The following EYS variants were observed in gnomAD, a reference collection of about 807,000 sequenced individuals.
EYS encodes the protein EGF-like photoreceptor maintenance factor.
In EYS, 250 loss-of-function variants were observed where a neutral mutation model predicts 282.1. The observed-to-expected ratio is 0.89, with a 90% CI of 0.80 to 0.98. The LOEUF (loss-of-function observed/expected upper bound fraction) is 0.98, where lower values mean the gene tolerates loss of function less well. Among genes scored for constraint, EYS ranks in the 50% least tolerant of loss-of-function variants. EYS has a pLI of 0.00. For missense variants in EYS, 4,016 were observed against 3,709.0 expected, an observed-to-expected ratio of 1.08 and a Z score of -2.15; for synonymous variants, 1,355 against 1,282.9, an observed-to-expected ratio of 1.06 and a Z score of -1.20.
Position 63,726,649 on chromosome 6 carries a change from G to A in EYS, c.8103C>T (p.Ser2701=). Residue 2701 remains serine (S), a synonymous_variant, in exon 42 of 43, where the codon AGC becomes AGT. Coordinates refer to ENST00000503581, the MANE Select transcript of EYS (RefSeq NM_001142800.2). ...ALSISDPSFR[S]NELSWMSFAS... ...CAAAAGACATCCAGGATAACTCATT[G>A]CTTCTGAAAGATGGATCACTTATGG... The A allele has an allele frequency of 6.4e-7, 1 of 1,551,248 alleles. No individual in the cohort carries two copies. Among genetic ancestry groups the A allele is most frequent in the Non-Finnish European group, 8.7e-7 (1 of 1,146,710 alleles).
Position 63,777,876 on chromosome 6 carries a change from T to A in EYS, c.7898+130A>T, listed in dbSNP as rs932774931. 3 of 877,504 alleles carry A rather than the reference T, an allele frequency of 3.4e-6. No homozygotes were observed. In the African/African-American group the frequency reaches 5.0e-5, roughly 15 times the overall value. 54.4% of individuals were successfully genotyped at this position (877,504 alleles called of 1,614,324 possible). The stretch of plus-strand genomic sequence containing the variant: ...ACCTGTCCTCCCATCATGTAACAAG[T>A]CTACATAAGAACATTTTAAATATGT... On this transcript the variant is annotated intron_variant, in intron 40 of 42. Coordinates refer to ENST00000503581, the MANE Select transcript of EYS (RefSeq NM_001142800.2).
intron 31 of EYS, among the ~76,000 whole-genome samples, chr6:64,108,736 C>A (rs763178090): frequency 6.6e-6 from 1 of 151,956 alleles, no homozygotes; most frequent in Middle Eastern, 3.2e-3. Context: ...CCACTTTCCA[C>A]CCGATCTCTC....
At chr6:64,701,831 T>G (rs1298135789) in intron 22 of EYS, among the ~76,000 whole-genome samples, 1 of 152,018 alleles carries the variant, frequency 6.6e-6, no homozygotes, top group Admixed American at 6.6e-5. Context: ...GCCCTTAAAT[T>G]TATTCAAATA....
intron 29 of EYS, among the ~76,000 whole-genome samples, chr6:64,357,979 A>G (rs1771884009): frequency 6.6e-6 from 1 of 151,632 alleles, no homozygotes; most frequent in Non-Finnish European, 1.5e-5. Flanking sequence ...AAGTATATGG[A>G]GCTGTGACTG....
rs116088854 is a variant in EYS at position 65,034,597 on chromosome 6, A to C, written c.2137+23017T>G. Among the ~76,000 whole-genome samples, 384 of 152,218 alleles carry C rather than the reference A, an allele frequency of 2.5e-3. 1 individual carries two copies. The highest frequency in any genetic ancestry group is 8.1e-3 in the African/African-American group (335 of 41,542). ...CATATTGTTTGCTCCTGCTTTTGCC[A>C]TGTGATATCCCTGCTCCACCTTCAA... is the stretch of plus-strand genomic sequence containing the variant. On this transcript the variant is annotated intron_variant, in intron 13 of 42. Coordinates refer to ENST00000503581, the MANE Select transcript of EYS (RefSeq NM_001142800.2).
At chr6:65,634,564 TA>T (rs1767023533) in intron 2 of EYS, among the ~76,000 whole-genome samples, 3 of 152,220 alleles carry the variant, frequency 2.0e-5, no homozygotes, top group Non-Finnish European at 4.4e-5. Flanking sequence ...TCTATTCAGC[TA>T]GCTACTCGGC....
In EYS at chr6:65,541,760, C is replaced by T. The variant is rs572930450; in HGVS notation, c.-332-45767G>A. Among the ~76,000 whole-genome samples, 33 of 152,050 alleles carry T rather than the reference C, an allele frequency of 2.2e-4. 1 individual carries two copies. In the East Asian group the frequency reaches 6.0e-3, roughly 28 times the overall value. On this transcript the variant is annotated intron_variant, in intron 2 of 42. Coordinates refer to ENST00000503581, the MANE Select transcript of EYS (RefSeq NM_001142800.2). The stretch of plus-strand genomic sequence containing the variant: ...TGGTCAGATCTTGTATGCTGCCCAA[C>T]AATACTGCTTTAAATAGATATATAA...
chr6:65,543,077 G>T (rs1768233119), intron 2 of EYS, among the ~76,000 whole-genome samples: 1 of 152,114 alleles, frequency 6.6e-6, no homozygotes, highest in South Asian at 2.1e-4. Context: ...GGAGAGAAGT[G>T]GCGTGATCTC....
At chr6:64,502,821 G>A (rs1363603535) in intron 26 of EYS, among the ~76,000 whole-genome samples, 5 of 151,954 alleles carry the variant, frequency 3.3e-5, no homozygotes, top group Admixed American at 3.3e-4. Flanking sequence ...ATAGATGTCT[G>A]ATATTTGTAC....
rs1562226643 is a variant in EYS at position 64,151,327 on chromosome 6, A to ATATATATATATATATATT, written c.6425-69326_6425-69325insAATATATATATATATATA. ...TGTGTGTGTGTATATTTATATATATATATATATATATATATATATATATAT... is the reference window on the plus strand; with the variant it reads ...TGTGTGTGTGTATATTTATATATATATATATATATATATATATTTATATATATATATATATATATATAT... On this transcript the variant is annotated intron_variant, in intron 31 of 42. Transcript: ENST00000503581. Among the ~76,000 whole-genome samples the ATATATATATATATATATT allele has an allele frequency of 2.4e-4, 21 of 86,252 alleles. No homozygotes were observed. In the East Asian group the frequency reaches 2.9e-3, roughly 12 times the overall value. 56.6% of individuals were successfully genotyped at this position (86,252 alleles called of 152,430 possible). A position where few individuals can be genotyped will look rare whatever the true frequency, so the allele number is the denominator to read the frequency against.
At chr6:65,176,769 T>G (rs1334838442) in intron 12 of EYS, among the ~76,000 whole-genome samples, 1 of 151,688 alleles carries the variant, frequency 6.6e-6, no homozygotes, top group African/African-American at 2.4e-5. Context: ...TTTGCAATTA[T>G]TTTTTTAAAA....
At chr6:65,448,897 T>C (rs1764300563) in intron 5 of EYS, among the ~76,000 whole-genome samples, 1 of 152,120 alleles carries the variant, frequency 6.6e-6, no homozygotes, top group Admixed American at 6.6e-5. Flanking sequence ...GTTCACAATG[T>C]ATGATTCTTT....
intron 2 of EYS, among the ~76,000 whole-genome samples, chr6:65,506,878 G>A (rs1389965678): frequency 6.6e-6 from 1 of 151,958 alleles, no homozygotes; most frequent in Non-Finnish European, 1.5e-5. Context: ...TATCTCTCCT[G>A]ATCTTTCTGA....
intron 35 of EYS, among the ~76,000 whole-genome samples, chr6:63,908,846 C>T (rs1226886660): frequency 1.3e-5 from 2 of 152,162 alleles, no homozygotes; most frequent in African/African-American, 4.8e-5. Flanking sequence ...CTCACTTCTT[C>T]ACTAAAGAGA....
Position 65,578,816 on chromosome 6 carries a change from A to C in EYS, c.-333+60962T>G, listed in dbSNP as rs189505607. Among the ~76,000 whole-genome samples the C allele has an allele frequency of 6.9e-4, 105 of 152,208 alleles. No individual in the cohort carries two copies. The Middle Eastern group carries it at 0.014, about 20-fold the overall frequency. Reference sequence around the variant, plus strand: ...AATCTTGCAACAAAATAACCTCATAAAAAATTGAGGACTATAACTAATTTA... The same window carrying C: ...AATCTTGCAACAAAATAACCTCATACAAAATTGAGGACTATAACTAATTTA... On this transcript the variant is annotated intron_variant, in intron 2 of 42. Transcript: ENST00000503581.
intron 22 of EYS, among the ~76,000 whole-genome samples, chr6:64,648,162 T>A (rs960415930): frequency 2.6e-5 from 4 of 152,154 alleles, no homozygotes; most frequent in African/African-American, 7.2e-5. Context: ...ACTGATGTTA[T>A]CTCACCTACC....
At chr6:64,823,057 G>A (rs1764948031) in intron 19 of EYS, among the ~76,000 whole-genome samples, 1 of 151,870 alleles carries the variant, frequency 6.6e-6, no homozygotes. Context: ...ATCTACTGAG[G>A]AGATTGTTTT....
chr6:63,935,132 A>G (rs913251257), intron 35 of EYS, among the ~76,000 whole-genome samples: 1 of 152,156 alleles, frequency 6.6e-6, no homozygotes, highest in Admixed American at 6.5e-5. Flanking sequence ...AACACACATG[A>G]TTTTTGAGTA....
intron 2 of EYS, among the ~76,000 whole-genome samples, chr6:65,573,775 C>T (rs750255308): frequency 2.0e-5 from 3 of 150,140 alleles, no homozygotes; most frequent in Non-Finnish European, 4.4e-5. Context: ...GTGATGAATA[C>T]CTGTTTCTGA....
Sources: gnomAD v4.1 joint callset for allele counts (sites outside exome capture counted in the v4.1 genomes callset) on GRCh38, gnomAD v4.1.1 for gene constraint, MANE v1.5 for transcripts, NCBI Gene and HGNC (gene_info 2026-07-23, HGNC 2026-07-21) for gene names.